The following PKHD1 variants were observed in gnomAD, a reference collection of about 807,000 sequenced individuals.
PKHD1 encodes the protein fibrocystin.
A neutral mutation model predicts 412.0 loss-of-function variants in PKHD1; 291 were observed. The observed-to-expected ratio is 0.71, with a 90% CI of 0.64 to 0.78. PKHD1 has a LOEUF of 0.78. Among genes scored for constraint, PKHD1 ranks in the 30% least tolerant of loss-of-function variants. The pLI is 0.00. For synonymous variants in PKHD1, 1,777 were observed against 1,821.5 expected, an observed-to-expected ratio of 0.98 and a Z score of 0.62; for missense variants, 4,825 against 4,950.7, an observed-to-expected ratio of 0.97 and a Z score of 0.76.
At chr6:51,852,964 A>T (rs1772580633) in intron 49 of PKHD1, among the ~76,000 whole-genome samples, 1 of 151,982 alleles carries the variant, frequency 6.6e-6, no homozygotes, top group Non-Finnish European at 1.5e-5. Context: ...GATATAATTT[A>T]GTTATTTTGC....
intron 36 of PKHD1, among the ~76,000 whole-genome samples, chr6:51,944,583 A>G (rs912925435): frequency 7.2e-5 from 11 of 152,060 alleles, no homozygotes; most frequent in Non-Finnish European, 1.5e-5. Context: ...CCATACCCCT[A>G]TGATTTCATC....
chr6:51,772,145 C>A (rs948324923), intron 55 of PKHD1, among the ~76,000 whole-genome samples: 2 of 151,994 alleles, frequency 1.3e-5, no homozygotes, highest in Non-Finnish European at 2.9e-5. Flanking sequence ...ATTTTCTGAT[C>A]TCTATTTCTA....
At chr6:51,720,785 G>A (rs7762205) in intron 60 of PKHD1, 6,577 of 142,454 alleles carry the variant, frequency 0.046, 423 homozygotes, top group African/African-American at 0.15. Flanking sequence ...GTGTGTGTGT[G>A]TATATATATA....
rs149781976 is a variant in PKHD1, at chr6:52,058,493, C to G, written c.1342G>C (p.Gly448Arg). Residue 448 changes from glycine to arginine, a missense_variant, in exon 16 of 67, where the codon GGT (glycine) becomes CGT (arginine). Coordinates refer to ENST00000371117, the MANE Select transcript of PKHD1 (RefSeq NM_138694.4). ...GCTTCCAGGTAGTACATGGCTCCAC[C>G]CAACAGCTCCAACTTGGGAGTCTTC... Reference protein sequence around the residue: ...QQKTPKLELLGGAMYYLEAEH... With the variant: ...QQKTPKLELLRGAMYYLEAEH... The G allele has an allele frequency of 2.0e-3, 3,249 of 1,614,188 alleles. 7 individuals carry two copies. Among genetic ancestry groups the G allele is most frequent in the Non-Finnish European group, 2.4e-3 (2,842 of 1,180,024 alleles).
At chr6:51,802,982 ATAT>A (rs1763172796) in intron 52 of PKHD1, among the ~76,000 whole-genome samples, 1 of 26,154 alleles carries the variant, frequency 3.8e-5, no homozygotes, top group Non-Finnish European at 1.0e-4. Context: ...AAATATACAT[ATAT>A]TATATCAATT....
chr6:51,841,564 A>AT (rs575420830), intron 50 of PKHD1, among the ~76,000 whole-genome samples: 1 of 152,214 alleles, frequency 6.6e-6, no homozygotes, highest in South Asian at 2.1e-4. Flanking sequence ...AATTCTCTAC[A>AT]TACTGGTAAA....
intron 52 of PKHD1, among the ~76,000 whole-genome samples, chr6:51,818,246 G>C (rs138331780): frequency 0.018 from 2,714 of 152,236 alleles, 34 homozygotes; most frequent in Middle Eastern, 0.054. Context: ...CTTACTGCTT[G>C]CAATTGTTTG....
intron 60 of PKHD1, among the ~76,000 whole-genome samples, chr6:51,731,889 T>G (rs956119543): frequency 6.6e-6 from 1 of 152,164 alleles, no homozygotes; most frequent in African/African-American, 2.4e-5. Context: ...TAACAATTAT[T>G]GGAAAATGTT....
At chr6:52,048,147 T>C (rs1397061204) in intron 23 of PKHD1, among the ~76,000 whole-genome samples, 2 of 152,172 alleles carry the variant, frequency 1.3e-5, no homozygotes, top group Non-Finnish European at 2.9e-5. Flanking sequence ...TGCCGACAAC[T>C]TGATTTTGGA....
intron 37 of PKHD1, among the ~76,000 whole-genome samples, chr6:51,929,621 C>CA (rs1220340953): frequency 7.2e-5 from 11 of 152,152 alleles, no homozygotes; most frequent in African/African-American, 2.4e-4. Context: ...GATACTCTAG[C>CA]AACTATGAAA....
chr6:51,966,062 GTAT>G (rs1792755391), intron 35 of PKHD1, among the ~76,000 whole-genome samples: 1 of 152,074 alleles, frequency 6.6e-6, no homozygotes, highest in Non-Finnish European at 1.5e-5. Flanking sequence ...TTTACTTACA[GTAT>G]CACTAATCCT....
intron 48 of PKHD1, among the ~76,000 whole-genome samples, chr6:51,867,583 AAG>A (rs1775281565): frequency 6.6e-6 from 1 of 152,288 alleles, no homozygotes; most frequent in African/African-American, 2.4e-5. Context: ...TGTTGGCTGT[AAG>A]TCTTTCTAAG....
chr6:51,736,109 A>G (rs1783812584), intron 60 of PKHD1, among the ~76,000 whole-genome samples: 1 of 152,300 alleles, frequency 6.6e-6, no homozygotes, highest in African/African-American at 2.4e-5. Context: ...AACTCATTGA[A>G]AGGTCACAGC....
At chr6:51,705,032 G>T (rs1032356944) in intron 60 of PKHD1, among the ~76,000 whole-genome samples, 3 of 152,084 alleles carry the variant, frequency 2.0e-5, no homozygotes, top group Non-Finnish European at 2.9e-5. Context: ...ACTGAGATCA[G>T]CAATGAGGTC....
At position 51,747,890 on chromosome 6, in the gene PKHD1, A is replaced by T; in HGVS notation, c.9726T>A (p.Gly3242=). Residue 3242 remains glycine (G), a synonymous_variant, in exon 58 of 67, where the codon GGT becomes GGA. Coordinates refer to ENST00000371117, the MANE Select transcript of PKHD1 (RefSeq NM_138694.4). The part of the protein sequence containing the change: ...APSNPRGGRI[G]ILWPVFTSEP... ...CTGAGGTGAATACAGGCCACAGAAT[A>T]CCAATTCGACCTCCTCTTGGATTGG... The T allele has an allele frequency of 6.2e-7, 1 of 1,613,964 alleles. No individual in the cohort carries two copies. The highest frequency in any genetic ancestry group is 8.5e-7 in the Non-Finnish European group (1 of 1,179,900).
intron 60 of PKHD1, among the ~76,000 whole-genome samples, chr6:51,724,024 C>T (rs1782251453): frequency 6.6e-6 from 1 of 152,152 alleles, no homozygotes; most frequent in Admixed American, 6.6e-5. Context: ...ATGCAATTGT[C>T]TTAAGATCCC....
intron 52 of PKHD1, among the ~76,000 whole-genome samples, chr6:51,796,816 G>GTT (rs1304967667): frequency 0.033 from 3,222 of 98,920 alleles, 55 homozygotes; most frequent in Non-Finnish European, 0.048. Flanking sequence ...GTTTTGAATA[G>GTT]ATTTTTTTTT....
chr6:51,800,146 C>T (rs1219256619), intron 52 of PKHD1, among the ~76,000 whole-genome samples: 1 of 152,140 alleles, frequency 6.6e-6, no homozygotes, highest in African/African-American at 2.4e-5. Context: ...CAGGACTAGC[C>T]ATGGGGTGGT....
chr6:51,733,196 GT>G (rs1221289879), intron 60 of PKHD1, among the ~76,000 whole-genome samples: 1 of 152,048 alleles, frequency 6.6e-6, no homozygotes, highest in Non-Finnish European at 1.5e-5. Context: ...GGTAGTGATG[GT>G]TGCACAATAC....
Sources: gnomAD v4.1 joint callset for allele counts (sites outside exome capture counted in the v4.1 genomes callset) on GRCh38, gnomAD v4.1.1 for gene constraint, MANE v1.5 for transcripts, NCBI Gene and HGNC (gene_info 2026-07-23, HGNC 2026-07-21) for gene names.